Variants in PCSK5 observed in about 807,000 individuals in gnomAD.
PCSK5 encodes the protein prohormone convertase 5.
In PCSK5, 129 loss-of-function variants were observed where a neutral mutation model predicts 233.2. The observed-to-expected ratio is 0.55, with a 90% CI of 0.48 to 0.64. The LOEUF is 0.64. PCSK5 is among the 30% of genes least tolerant of loss of function. The pLI is 0.00. For synonymous variants in PCSK5, 825 were observed against 879.2 expected, an observed-to-expected ratio of 0.94 and a Z score of 1.09; for missense variants, 2,076 against 2,430.1, an observed-to-expected ratio of 0.85 and a Z score of 3.06.
rs368911162 is a variant in PCSK5 at position 75,986,428 on chromosome 9, C to G, written c.411+183C>G. ...TGTCTGGATTTTCTTTCTAACTTGG[C>G]TTGTTGGTTAAAATAAGGAGAAAAA... On this transcript the variant is annotated intron_variant, in intron 3 of 37. Coordinates refer to ENST00000674117, the MANE Select transcript of PCSK5 (RefSeq NM_001372043.1). Among the ~76,000 whole-genome samples, 4 of 152,282 alleles carry G rather than the reference C, an allele frequency of 2.6e-5. No homozygotes were observed. In the East Asian group the frequency reaches 5.8e-4, roughly 22 times the overall value.
chr9:76,134,137 C>A lies in PCSK5; in HGVS notation c.1237C>A (p.His413Asn). Residue 413 changes from histidine (H) to asparagine (N), a missense_variant, in exon 10 of 38, where the codon CAT (histidine) becomes AAT (asparagine). Coordinates refer to ENST00000674117, the MANE Select transcript of PCSK5 (RefSeq NM_001372043.1). ...GTTTCTGACCTGGAGAGACGTACAG[C>A]ATGTTATTGTCAGGACTTCCCGTGC... ...NPFLTWRDVQ[H>N]VIVRTSRAGH... 6.2e-7 allele frequency: 1 copy of A among 1,607,272 alleles called. No individual in the cohort carries two copies. The highest frequency in any genetic ancestry group is 8.5e-7 in the Non-Finnish European group (1 of 1,176,268).
intron 7 of PCSK5, among the ~76,000 whole-genome samples, chr9:76,077,981 A>G (rs1830698312): frequency 6.6e-6 from 1 of 152,220 alleles, no homozygotes; most frequent in South Asian, 2.1e-4. Context: ...AGAAGTCTCC[A>G]GACTGCCTTC....
intron 1 of PCSK5, among the ~76,000 whole-genome samples, chr9:75,931,248 CTTTT>C (rs3074142): frequency 0.011 from 1,472 of 130,450 alleles, 11 homozygotes; most frequent in Non-Finnish European, 0.018. Context: ...TGGGCCAAGA[CTTTT>C]TTTTTTTTTT....
At chr9:76,008,473 T>C (rs923851223) in intron 3 of PCSK5, among the ~76,000 whole-genome samples, 9 of 151,964 alleles carry the variant, frequency 5.9e-5, no homozygotes, top group Non-Finnish European at 1.3e-4. Context: ...TTTGCCTTTT[T>C]TTTTTTGAGA....
At chr9:76,090,608 TCTC>T (rs1228578948) in intron 7 of PCSK5, among the ~76,000 whole-genome samples, 1 of 152,144 alleles carries the variant, frequency 6.6e-6, no homozygotes, top group Non-Finnish European at 1.5e-5. Flanking sequence ...TCTCTTCCTC[TCTC>T]CTCGTATTAG....
intron 3 of PCSK5, among the ~76,000 whole-genome samples, chr9:76,012,215 G>A (rs773708844): frequency 2.0e-5 from 3 of 152,146 alleles, no homozygotes; most frequent in African/African-American, 4.8e-5. Context: ...TAGCTATTAC[G>A]GGGTAAACCA....
intron 9 of PCSK5, among the ~76,000 whole-genome samples, chr9:76,115,422 T>A (rs143202794): frequency 1.3e-5 from 2 of 152,296 alleles, no homozygotes; most frequent in Non-Finnish European, 2.9e-5. Context: ...TCTTTTAATT[T>A]AAACAGAGTG....
rs1356289761 is a variant in PCSK5 at position 76,097,447 on chromosome 9, G to A, written c.1107+1345G>A. Among the ~76,000 whole-genome samples the A allele has an allele frequency of 7.5e-3, 1,106 of 147,502 alleles. 13 individuals carry two copies. Among genetic ancestry groups the A allele is most frequent in the African/African-American group, 0.024 (906 of 37,688 alleles). ...GCTAATTTTTTTTGTATTTTTAGTA[G>A]AGACGGGGGTGCATTTCTTATAGAC... On this transcript the variant is annotated intron_variant, in intron 8 of 37. Coordinates refer to ENST00000674117, the MANE Select transcript of PCSK5 (RefSeq NM_001372043.1).
At chr9:76,109,527 TTGGAC>T (rs961765296) in intron 9 of PCSK5, among the ~76,000 whole-genome samples, 16 of 151,974 alleles carry the variant, frequency 1.1e-4, no homozygotes, top group African/African-American at 3.9e-4. Flanking sequence ...TAAGGTCACT[TTGGAC>T]TGCATAACAC....
chr9:76,133,411 C>T lies in PCSK5; in HGVS notation c.1209-698C>T, dbSNP rs187527650. Reference sequence around the variant, plus strand: ...CATTGCAGTTCTCCAATGAAAGTATCTCCTGCTCAGTAGTCTCTTTTGTGT... The same window carrying T: ...CATTGCAGTTCTCCAATGAAAGTATTTCCTGCTCAGTAGTCTCTTTTGTGT... On this transcript the variant is annotated intron_variant, in intron 9 of 37. Coordinates refer to ENST00000674117, the MANE Select transcript of PCSK5 (RefSeq NM_001372043.1). 4.7e-3 allele frequency among the ~76,000 whole-genome samples: 717 copies of T among 152,134 alleles called. 6 individuals are homozygous for T. The highest frequency in any genetic ancestry group is 6.0e-3 in the Non-Finnish European group (405 of 67,950).
intron 20 of PCSK5, among the ~76,000 whole-genome samples, chr9:76,214,310 GCA>G (rs1025904495): frequency 3.3e-5 from 5 of 150,822 alleles, no homozygotes; most frequent in African/African-American, 9.7e-5. Flanking sequence ...ACACACACGT[GCA>G]CACACACACA....
chr9:76,323,442 AGCACGAAC>A (rs1195679078), intron 32 of PCSK5, among the ~76,000 whole-genome samples, 154 bp downstream of exon 32: 3 of 152,152 alleles, frequency 2.0e-5, no homozygotes, highest in African/African-American at 7.2e-5. Context: ...CAAGTTCAGT[AGCACGAAC>A]ATGGCTCACT....
At chr9:76,213,078 C>A (rs778510714) in intron 20 of PCSK5, among the ~76,000 whole-genome samples, 6 of 152,238 alleles carry the variant, frequency 3.9e-5, no homozygotes, top group Non-Finnish European at 7.3e-5. Context: ...GTATCATTGT[C>A]ATTTCCACAG....
At chr9:75,973,467 G>A (rs1825885628) in intron 2 of PCSK5, among the ~76,000 whole-genome samples, 1 of 144,752 alleles carries the variant, frequency 6.9e-6, no homozygotes. Flanking sequence ...TTGACTAAAA[G>A]AGCAGTGAAT....
intron 2 of PCSK5, among the ~76,000 whole-genome samples, chr9:75,974,699 A>C (rs1825941887): frequency 6.6e-6 from 1 of 152,130 alleles, no homozygotes; most frequent in East Asian, 1.9e-4. Flanking sequence ...ACCTTCCCCC[A>C]AGGCAGTCCC....
chr9:76,103,211 C>T (rs1429291520), intron 8 of PCSK5, among the ~76,000 whole-genome samples: 1 of 152,154 alleles, frequency 6.6e-6, no homozygotes, highest in Non-Finnish European at 1.5e-5. Context: ...AGTTTCTGCC[C>T]TTCTCCCCCA....
intron 5 of PCSK5, among the ~76,000 whole-genome samples, chr9:76,035,426 C>G (rs1042250187): frequency 2.6e-5 from 4 of 152,064 alleles, no homozygotes; most frequent in Non-Finnish European, 5.9e-5. Flanking sequence ...ATGATGCAGC[C>G]TTCAGAACTC....
chr9:76,212,977 C>G (rs1825386925), intron 20 of PCSK5, among the ~76,000 whole-genome samples: 1 of 152,144 alleles, frequency 6.6e-6, no homozygotes, highest in African/African-American at 2.4e-5. Context: ...CTTATCTGCC[C>G]CTCCTATATG....
Position 76,296,801 on chromosome 9 carries a change from G to C in PCSK5, c.3459G>C (p.Leu1153=). Residue 1153 remains leucine (L), a synonymous_variant, in exon 27 of 38, where the codon CTG becomes CTC. Transcript: ENST00000674117. ...HDECSSCQEG[L]QLLRGMCVHA... ...AGTGCAGCAGCTGCCAGGAAGGACTGCAGCTGCTGCGTGGGATGTGCGTGC... is the reference window on the plus strand; with the variant it reads ...AGTGCAGCAGCTGCCAGGAAGGACTCCAGCTGCTGCGTGGGATGTGCGTGC... 1 of 1,612,538 alleles carries C rather than the reference G, an allele frequency of 6.2e-7. No individual in the cohort carries two copies. The highest frequency in any genetic ancestry group is 8.5e-7 in the Non-Finnish European group (1 of 1,179,626).
Sources: allele counts gnomAD v4.1 joint callset (sites outside exome capture counted in the v4.1 genomes callset), GRCh38; gene constraint gnomAD v4.1.1; transcripts MANE v1.5; gene names NCBI Gene and HGNC (gene_info 2026-07-23, HGNC 2026-07-21).